FBXL17: variants seen among roughly 807,000 people sequenced by gnomAD.
The protein encoded by FBXL17 is F-box/LRR-repeat protein 17.
FBXL17 carries 22 observed loss-of-function variants against 66.2 expected under a neutral mutation model. That is an observed-to-expected ratio of 0.33 (90% CI 0.24 to 0.47). The LOEUF is 0.47. Among genes scored for constraint, FBXL17 ranks in the 20% least tolerant of loss-of-function variants. FBXL17 has a pLI of 1.00. For synonymous variants in FBXL17, 474 were observed against 400.5 expected (o/e 1.18, Z -2.19); for missense variants, 878 against 948.2 (o/e 0.93, Z 0.97).
At chr5:107,898,370 G>C (rs1305506119) in intron 7 of FBXL17, among the ~76,000 whole-genome samples, 1 of 152,004 alleles carries the variant, frequency 6.6e-6, no homozygotes, top group Non-Finnish European at 1.5e-5. Context: ...CCACCCCTGA[G>C]ACAGAAAGAC....
chr5:108,254,388 C>A (rs915382213), intron 4 of FBXL17, among the ~76,000 whole-genome samples: 8 of 152,164 alleles, frequency 5.3e-5, no homozygotes, highest in African/African-American at 9.6e-5. Flanking sequence ...TGCCTATGGT[C>A]TCTTCCCTGT....
intron 6 of FBXL17, among the ~76,000 whole-genome samples, chr5:108,145,987 G>T (rs1230644272): frequency 1.3e-5 from 2 of 152,058 alleles, no homozygotes; most frequent in African/African-American, 4.8e-5. Context: ...GGGAGGCCGA[G>T]GCGGGCGGAT....
intron 4 of FBXL17, among the ~76,000 whole-genome samples, chr5:108,245,766 G>A (rs1756067785): frequency 6.6e-6 from 1 of 152,112 alleles, no homozygotes; most frequent in African/African-American, 2.4e-5. Context: ...ATACAAATCT[G>A]TTTAACTTTT....
intron 6 of FBXL17, among the ~76,000 whole-genome samples, chr5:108,025,370 TA>T (rs1329633804): frequency 6.6e-6 from 1 of 152,092 alleles, no homozygotes; most frequent in Non-Finnish European, 1.5e-5. Flanking sequence ...TATATTTGAA[TA>T]ATAGATATAT....
intron 7 of FBXL17, among the ~76,000 whole-genome samples, chr5:107,908,005 T>C (rs1218024457): frequency 3.3e-5 from 5 of 152,220 alleles, no homozygotes. Context: ...CGTATGTTTA[T>C]TGTGGCATTA....
chr5:108,044,164 A>G (rs969100349), intron 6 of FBXL17, among the ~76,000 whole-genome samples: 1 of 152,112 alleles, frequency 6.6e-6, no homozygotes, highest in African/African-American at 2.4e-5. Flanking sequence ...TCCAATCTGT[A>G]TGCCTTTATT....
chr5:107,947,475 T>C (rs1176507266), intron 7 of FBXL17, among the ~76,000 whole-genome samples: 1 of 152,232 alleles, frequency 6.6e-6, no homozygotes, highest in Non-Finnish European at 1.5e-5. Flanking sequence ...ACCTTGACCA[T>C]GTGTTGCTAA....
At chr5:108,220,320 G>A (rs1754804982) in intron 5 of FBXL17, among the ~76,000 whole-genome samples, 1 of 152,058 alleles carries the variant, frequency 6.6e-6, no homozygotes, top group Admixed American at 6.6e-5. Context: ...AACTCAGACA[G>A]TCTGCTGTGT....
chr5:108,150,559 C>T (rs150837435), intron 6 of FBXL17, among the ~76,000 whole-genome samples: 2 of 152,180 alleles, frequency 1.3e-5, no homozygotes, highest in Non-Finnish European at 2.9e-5. Context: ...AGGGATCATG[C>T]AATGCATTTA....
intron 7 of FBXL17, among the ~76,000 whole-genome samples, chr5:107,899,302 G>T (rs1033115643): frequency 6.6e-6 from 1 of 152,052 alleles, no homozygotes; most frequent in Non-Finnish European, 1.5e-5. Context: ...TCATGTTATC[G>T]GTAAGCATTC....
intron 7 of FBXL17, among the ~76,000 whole-genome samples, chr5:108,014,496 G>A (rs1409324151): frequency 6.6e-6 from 1 of 152,076 alleles, no homozygotes; most frequent in Non-Finnish European, 1.5e-5. Flanking sequence ...TTGGATGAAC[G>A]TTTTAAGAAG....
Position 108,009,282 on chromosome 5 carries a change from TATATATATATATATATATAC to T in FBXL17, c.1822+11623_1822+11642del, listed in dbSNP as rs1754075753. Among the ~76,000 whole-genome samples the T allele has an allele frequency of 8.9e-4, 49 of 54,754 alleles. 12 individuals carry two copies. The highest frequency in any genetic ancestry group is 3.2e-3 in the East Asian group (5 of 1,550). The allele number at this position is 54,754 out of a possible 152,430, so 35.9% of individuals were successfully genotyped here. On this transcript the variant is annotated intron_variant, in intron 7 of 8. Transcript: ENST00000542267. Reference sequence around the variant, plus strand: ...TGTTTTATATATATATATATATATATATATATATATATATATATACATATATACATACACATATAGTTTTG... The same window carrying T: ...TGTTTTATATATATATATATATATATATATATACATACACATATAGTTTTG...
chr5:108,066,498 TTAGA>T (rs1345256534), intron 6 of FBXL17, among the ~76,000 whole-genome samples: 1 of 151,878 alleles, frequency 6.6e-6, no homozygotes, highest in East Asian at 1.9e-4. Flanking sequence ...TTCAAACAAC[TTAGA>T]TAATTCTTGA....
In FBXL17 at chr5:108,276,786, T is replaced by A. The variant is rs944871141; in HGVS notation, c.1507-52558A>T. ...GACCACTCAAGAAAAAAAATTATTA[T>A]TCAAGCCCTTAGACATTTTGAAATG... On this transcript the variant is annotated intron_variant, in intron 4 of 8. Transcript: ENST00000542267. 6.6e-5 allele frequency among the ~76,000 whole-genome samples: 10 copies of A among 152,260 alleles called. No homozygotes were observed. The East Asian group carries it at 1.9e-3, about 29-fold the overall frequency.
chr5:108,252,839 T>C (rs1756414823), intron 4 of FBXL17, among the ~76,000 whole-genome samples: 1 of 152,164 alleles, frequency 6.6e-6, no homozygotes, highest in African/African-American at 2.4e-5. Context: ...TGCCATTCCT[T>C]ATGCTCTAAT....
chr5:108,181,939 G>C (rs959628655), intron 6 of FBXL17, among the ~76,000 whole-genome samples: 2 of 152,042 alleles, frequency 1.3e-5, no homozygotes, highest in Non-Finnish European at 2.9e-5. Context: ...GCCAAAGAAA[G>C]TCAAAGAAAT....
chr5:107,867,656 T>C (rs1049973597), intron 8 of FBXL17, among the ~76,000 whole-genome samples: 3 of 152,232 alleles, frequency 2.0e-5, no homozygotes, highest in Non-Finnish European at 4.4e-5. Context: ...ACAGGTCTCC[T>C]GACTCAAAGC....
At chr5:108,132,740 A>G (rs1750984368) in intron 6 of FBXL17, among the ~76,000 whole-genome samples, 5 of 152,204 alleles carry the variant, frequency 3.3e-5, no homozygotes, top group Admixed American at 3.3e-4. Context: ...TTAACTATGT[A>G]ATAATGATGG....
chr5:108,133,867 A>G (rs1751032089), intron 6 of FBXL17, among the ~76,000 whole-genome samples: 1 of 152,168 alleles, frequency 6.6e-6, no homozygotes. Flanking sequence ...GCACACGTAA[A>G]ACATTCAGCA....
Sources: allele counts gnomAD v4.1 joint callset (sites outside exome capture counted in the v4.1 genomes callset), GRCh38; gene constraint gnomAD v4.1.1; transcripts MANE v1.5; gene names NCBI Gene and HGNC (gene_info 2026-07-23, HGNC 2026-07-21).